The following FBN1 variants were observed in gnomAD, a reference collection of about 807,000 sequenced individuals.
FBN1 encodes fibrillin 1.
Under a neutral mutation model 365.1 loss-of-function variants are expected in FBN1, and 29 were observed. That is an observed-to-expected ratio of 0.08 (90% CI 0.06 to 0.11). The LOEUF is 0.11. Among genes scored for constraint, FBN1 ranks in the 10% least tolerant of loss-of-function variants. The pLI is 1.00. For synonymous variants in FBN1, 1,210 were observed against 1,270.5 expected (o/e 0.95, Z 1.01); for missense variants, 2,476 against 3,703.2 (o/e 0.67, Z 8.60).
intron 4 of FBN1, among the ~76,000 whole-genome samples, chr15:48,604,314 AT>A (rs1182344233): frequency 6.6e-6 from 1 of 152,212 alleles, no homozygotes; most frequent in Non-Finnish European, 1.5e-5. Context: ...CGAACATGTG[AT>A]TTTAATTTAG....
At chr15:48,605,170 A>G (rs1398132424) in intron 4 of FBN1, among the ~76,000 whole-genome samples, 2 of 152,216 alleles carry the variant, frequency 1.3e-5, no homozygotes, top group Non-Finnish European at 2.9e-5. Flanking sequence ...TACAGTTTTT[A>G]CAGAAAAGAA....
chr15:48,542,633 G>A (rs1478142502), intron 6 of FBN1, among the ~76,000 whole-genome samples: 1 of 152,136 alleles, frequency 6.6e-6, no homozygotes, highest in African/African-American at 2.4e-5. Context: ...ACTTGGGGGA[G>A]CTTTTGTAAA....
intron 6 of FBN1, among the ~76,000 whole-genome samples, chr15:48,549,235 A>AT (rs1566924881): frequency 6.6e-6 from 1 of 152,248 alleles, no homozygotes; most frequent in African/African-American, 2.4e-5. Flanking sequence ...CATAAATCAC[A>AT]TCTGCAAGTT....
At chr15:48,494,998 G>A (rs560863827) in intron 22 of FBN1, 125 bp downstream of exon 22, 53 of 1,072,784 alleles carry the variant, frequency 4.9e-5, no homozygotes, top group South Asian at 4.9e-4. Flanking sequence ...CAATATGTTC[G>A]GGGCCATCAG....
At chr15:48,580,722 T>C (rs779607457) in intron 6 of FBN1, among the ~76,000 whole-genome samples, 1 of 152,224 alleles carries the variant, frequency 6.6e-6, no homozygotes, top group Admixed American at 6.5e-5. Context: ...AAAAAACTGA[T>C]AGTACATTAA....
At chr15:48,556,190 C>T (rs990078469) in intron 6 of FBN1, among the ~76,000 whole-genome samples, 5 of 152,116 alleles carry the variant, frequency 3.3e-5, no homozygotes, top group Non-Finnish European at 7.4e-5. Flanking sequence ...ACCTCACGAA[C>T]CTCAAAGGTT....
chr15:48,447,051 G>A (rs953129490), intron 46 of FBN1, among the ~76,000 whole-genome samples: 3 of 152,080 alleles, frequency 2.0e-5, no homozygotes, highest in African/African-American at 7.2e-5. Context: ...GTGAAAGGAG[G>A]CAAGCTAAGG....
At chr15:48,450,477 T>C (rs1270470463) in intron 45 of FBN1, among the ~76,000 whole-genome samples, 1 of 152,220 alleles carries the variant, frequency 6.6e-6, no homozygotes, top group East Asian at 1.9e-4. Flanking sequence ...GAATTTGAAC[T>C]CTTAGATGAT....
chr15:48,634,236 T>C (rs1048453367), intron 2 of FBN1, among the ~76,000 whole-genome samples: 26 of 152,226 alleles, frequency 1.7e-4, no homozygotes, highest in African/African-American at 5.8e-4. Flanking sequence ...AAACTTTACA[T>C]AGTACCATAT....
intron 2 of FBN1, among the ~76,000 whole-genome samples, chr15:48,616,357 G>A (rs769368995): frequency 3.3e-4 from 51 of 152,288 alleles, no homozygotes; most frequent in Admixed American, 1.4e-3. Context: ...ATGGCTCAAC[G>A]CAAAGTATTT....
intron 40 of FBN1, 21 bp from the exon 41 acceptor site, chr15:48,464,042 G>A (rs778057671): frequency 6.2e-7 from 1 of 1,612,876 alleles, no homozygotes; most frequent in South Asian, 1.1e-5. Flanking sequence ...AAGAGAAAGT[G>A]GTATGTGAAT....
chr15:48,431,255 G>A (rs1021212460), intron 55 of FBN1, among the ~76,000 whole-genome samples: 2 of 151,854 alleles, frequency 1.3e-5, no homozygotes, highest in East Asian at 1.9e-4. Flanking sequence ...GCACCACCAC[G>A]CCTGGCTAAT....
chr15:48,457,075 G>A lies in FBN1; in HGVS notation c.5297-313C>T, dbSNP rs761772885. Among the ~76,000 whole-genome samples the A allele has an allele frequency of 3.3e-5, 5 of 152,224 alleles. No homozygotes were observed. In the East Asian group the frequency reaches 7.7e-4, roughly 24 times the overall value. ...GGATGCACCAGATGAGTAGAATAGA[G>A]GGATGGTCAAGGGTAAACAGCCTCT... On this transcript the variant is annotated intron_variant, in intron 43 of 65. Transcript: ENST00000316623.
intron 7 of FBN1, among the ~76,000 whole-genome samples, chr15:48,535,095 C>A (rs2044003632): frequency 6.6e-6 from 1 of 152,204 alleles, no homozygotes; most frequent in Admixed American, 6.5e-5. Context: ...AATAGTCTTC[C>A]TCCAGAGAGC....
intron 6 of FBN1, among the ~76,000 whole-genome samples, chr15:48,555,295 G>C (rs2044171151): frequency 6.6e-6 from 1 of 152,130 alleles, no homozygotes; most frequent in Admixed American, 6.6e-5. Context: ...CCCAGCATGA[G>C]CTTCTAACGC....
intron 60 of FBN1, among the ~76,000 whole-genome samples, chr15:48,423,625 A>G (rs956410793): frequency 6.6e-6 from 1 of 152,114 alleles, no homozygotes; most frequent in Non-Finnish European, 1.5e-5. Flanking sequence ...GAACAGCAGC[A>G]CTTGCTGCTC....
chr15:48,636,385 C>A (rs749648203), intron 2 of FBN1, among the ~76,000 whole-genome samples: 46 of 152,160 alleles, frequency 3.0e-4, no homozygotes, highest in Non-Finnish European at 4.7e-4. Context: ...AGCCAGCCAG[C>A]CCCCAGCCCT....
In FBN1 at chr15:48,617,769, C is replaced by T. The variant is rs777320182; in HGVS notation, c.165-4677G>A. On this transcript the variant is annotated intron_variant, in intron 2 of 65. Coordinates refer to ENST00000316623, the MANE Select transcript of FBN1 (RefSeq NM_000138.5). ...CGGAGCAAACAGCTGGCCTCTACCA[C>T]GTCTGACCACATCATTGCAAGACTT... Among the ~76,000 whole-genome samples the T allele has an allele frequency of 3.9e-5, 6 of 152,284 alleles. No individual in the cohort carries two copies. The East Asian group carries it at 5.8e-4, about 15-fold the overall frequency.
chr15:48,634,420 A>C (rs1453397270), intron 2 of FBN1, among the ~76,000 whole-genome samples: 1 of 152,126 alleles, frequency 6.6e-6, no homozygotes, highest in African/African-American at 2.4e-5. Context: ...GCCTGGTCCC[A>C]ATGCTGCCGG....
Sources: gnomAD v4.1 joint callset for allele counts (sites outside exome capture counted in the v4.1 genomes callset) on GRCh38, gnomAD v4.1.1 for gene constraint, MANE v1.5 for transcripts, NCBI Gene and HGNC (gene_info 2026-07-23, HGNC 2026-07-21) for gene names.